KCNJ18: variants seen among roughly 807,000 people sequenced by gnomAD.
The protein encoded by KCNJ18 is inward rectifier potassium channel 18.
Under a neutral mutation model 17.3 loss-of-function variants are expected in KCNJ18, and 16 were observed. The ratio of observed to expected loss-of-function variants is 0.92; its 90% CI spans 0.62 to 1.40. The LOEUF is 1.40. Ranked by LOEUF, KCNJ18 falls within the 40% of genes most tolerant of loss-of-function variation. The pLI, the probability that KCNJ18 is intolerant of heterozygous loss-of-function variation, is 0.00. For synonymous variants in KCNJ18, 185 were observed against 262.6 expected, an observed-to-expected ratio of 0.70 and a Z score of 2.86; for missense variants, 462 against 626.8, an observed-to-expected ratio of 0.74 and a Z score of 2.81.
intron 1 of KCNJ18, among the ~76,000 whole-genome samples, chr17:21,693,317 C>T (rs1332671592): frequency 6.6e-6 from 1 of 152,284 alleles, no homozygotes; most frequent in South Asian, 2.1e-4. Context: ...CTAATTTTGC[C>T]TTCCTCCTAG....
At chr17:21,693,476 C>T (rs1311806026) in intron 1 of KCNJ18, among the ~76,000 whole-genome samples, 6 of 152,308 alleles carry the variant, frequency 3.9e-5, no homozygotes, top group Non-Finnish European at 8.8e-5. Context: ...GGCCCCCACC[C>T]CTGCTTGGCT....
chr17:21,696,738 A>G (rs1473796066), intron 2 of KCNJ18, among the ~76,000 whole-genome samples: 245 of 151,836 alleles, frequency 1.6e-3, no homozygotes, highest in South Asian at 9.8e-3. Flanking sequence ...AGGAGAAGGC[A>G]GCTCAGTATT....
chr17:21,698,738 T>G lies in KCNJ18; in HGVS notation c.-57+2634T>G, dbSNP rs1440411658. On this transcript the variant is annotated intron_variant, in intron 2 of 2. Coordinates refer to ENST00000567955, the MANE Select transcript of KCNJ18 (RefSeq NM_001194958.2). The stretch of plus-strand genomic sequence containing the variant: ...ACGTGGCAGCTGCCGTCTGGCATCC[T>G]CTCTAAAAGCTCCCAGCCCAGGCCC... 2.0e-5 allele frequency among the ~76,000 whole-genome samples: 3 copies of G among 152,052 alleles called. No homozygotes were observed. In the East Asian group the frequency reaches 5.8e-4, roughly 29 times the overall value.
chr17:21,703,834 GAGGTGCCCTCTA>G lies in KCNJ18; in HGVS notation c.1049_1060del (p.Glu350_Thr354delinsAla). The G allele has an allele frequency of 6.2e-7, 1 of 1,611,310 alleles. No individual in the cohort carries two copies. Among genetic ancestry groups the G allele is most frequent in the South Asian group, 1.1e-5 (1 of 90,878 alleles). On this transcript the variant is annotated inframe_deletion, in exon 3 of 3. Coordinates refer to ENST00000567955, the MANE Select transcript of KCNJ18 (RefSeq NM_001194958.2). ...CTACTCGCACTTCCACAAGACCTAT[GAGGTGCCCTCTA>G]CGCCCCGCTGCAGTGCGAAGGATCT...
At position 21,703,886 on chromosome 17, in the gene KCNJ18, T is replaced by G; in HGVS notation, c.1100T>G (p.Phe367Cys). ...CSAKDLVENK[F>C]LLPSANSFCY... ...GCGAAGGATCTGGTAGAGAACAAGT[T>G]CCTGCTGCCCAGTGCCAACTCCTTC... Residue 367 changes from phenylalanine (F) to cysteine (C), a missense_variant, in exon 3 of 3, where the codon TTC becomes TGC. Coordinates refer to ENST00000567955, the MANE Select transcript of KCNJ18 (RefSeq NM_001194958.2). The G allele has an allele frequency of 1.9e-6, 3 of 1,612,870 alleles. No individual in the cohort carries two copies. In the South Asian group the frequency reaches 3.3e-5, roughly 18 times the overall value.
intron 1 of KCNJ18, among the ~76,000 whole-genome samples, chr17:21,694,253 G>A (rs1905689934): frequency 6.6e-6 from 1 of 152,098 alleles, no homozygotes; most frequent in Admixed American, 6.5e-5. Context: ...TGGCTGGGAG[G>A]TGCGGAGGTG....
chr17:21,695,034 C>A (rs1246759609), intron 1 of KCNJ18, among the ~76,000 whole-genome samples: 1 of 152,262 alleles, frequency 6.6e-6, no homozygotes, highest in Admixed American at 6.5e-5. Flanking sequence ...CATCCATCCA[C>A]CCATCCATCC....
chr17:21,696,257 C>A, intron 2 of KCNJ18, among the ~76,000 whole-genome samples, 153 bp downstream of exon 2: 1 of 151,972 alleles, frequency 6.6e-6, no homozygotes, highest in South Asian at 2.1e-4. Flanking sequence ...ATCCACCCAC[C>A]CATGCCTCCA....
At chr17:21,702,380 G>C (rs1227651382) in intron 2 of KCNJ18, among the ~76,000 whole-genome samples, 16 of 152,128 alleles carry the variant, frequency 1.1e-4, no homozygotes, top group Admixed American at 9.8e-4. Context: ...GGGGCCATCG[G>C]CAGAGGCAGA....
intron 2 of KCNJ18, among the ~76,000 whole-genome samples, chr17:21,700,029 G>C (rs1179916631): frequency 1.3e-5 from 2 of 152,292 alleles, no homozygotes; most frequent in African/African-American, 2.4e-5. Context: ...CCCCGGCCCT[G>C]GCTGCCTCCT....
intron 1 of KCNJ18, among the ~76,000 whole-genome samples, chr17:21,695,239 C>A (rs1905725393): frequency 4.3e-5 from 1 of 23,088 alleles, no homozygotes; most frequent in Non-Finnish European, 1.1e-4. Flanking sequence ...ATCCTATTAT[C>A]CATTCATCCA....
At position 21,703,170 on chromosome 17, in the gene KCNJ18, C is replaced by G. The variant is rs1411473602; in HGVS notation, c.384C>G (p.His128Gln). The G allele has an allele frequency of 5.0e-6, 8 of 1,609,974 alleles. No individual in the cohort carries two copies. In the African/African-American group the frequency reaches 9.3e-5, roughly 19 times the overall value. ...GCACACCCTGTGTGATGCAGGTGCA[C>G]GGCTTCATGGCGGCCTTCCTCTTCT... ...HGRTPCVMQV[H>Q]GFMAAFLFSI... The change falls in exon 3 of 3, where the codon CAC becomes CAG. Residue 128 changes from histidine to glutamine, a missense_variant. By Grantham distance (24) the His-to-Gln change is conservative. Coordinates refer to ENST00000567955, the MANE Select transcript of KCNJ18 (RefSeq NM_001194958.2).
At chr17:21,697,002 G>T in intron 2 of KCNJ18, among the ~76,000 whole-genome samples, 1 of 152,274 alleles carries the variant, frequency 6.6e-6, no homozygotes, top group Non-Finnish European at 1.5e-5. Context: ...CACTGGAGCT[G>T]ACTCCCGCTG....
intron 2 of KCNJ18, among the ~76,000 whole-genome samples, chr17:21,697,158 G>A (rs1163448962): frequency 1.3e-5 from 2 of 152,426 alleles, no homozygotes; most frequent in African/African-American, 2.4e-5. Context: ...CACGGCTAGA[G>A]AGAGTTTTTG....
At chr17:21,696,492 C>A (rs1324586864) in intron 2 of KCNJ18, among the ~76,000 whole-genome samples, 6 of 152,210 alleles carry the variant, frequency 3.9e-5, no homozygotes, top group Non-Finnish European at 8.8e-5. Flanking sequence ...CCTCATCCAT[C>A]CCATTCAGCT....
intron 1 of KCNJ18, among the ~76,000 whole-genome samples, chr17:21,695,351 C>A: frequency 6.6e-6 from 1 of 152,268 alleles, no homozygotes; most frequent in Non-Finnish European, 1.5e-5. Flanking sequence ...TCCACCCACC[C>A]ATGTATTCAT....
At chr17:21,695,509 CCAGCTATT>C (rs1157108823) in intron 1 of KCNJ18, among the ~76,000 whole-genome samples, 1 of 152,304 alleles carries the variant, frequency 6.6e-6, no homozygotes, top group Non-Finnish European at 1.5e-5. Flanking sequence ...ATCCACCCCC[CCAGCTATT>C]CACAACTGGC....
At position 21,704,065 on chromosome 17, in the gene KCNJ18, T is replaced by G. The variant is rs1377865299; in HGVS notation, c.1279T>G (p.Tyr427Asp). Residue 427 changes from tyrosine (Y) to aspartate (D), a missense_variant, in exon 3 of 3, where the codon TAC (tyrosine) becomes GAC (aspartate). Around this residue, in one of 5 missense-constraint regions of KCNJ18, gnomAD observed 123 missense variants for 117.5 expected, o/e 1.05. Coordinates refer to ENST00000567955, the MANE Select transcript of KCNJ18 (RefSeq NM_001194958.2). ...AGGGVLEQRPYRRGSEI is the reference protein window; with the variant it reads ...AGGGVLEQRPDRRGSEI The stretch of plus-strand genomic sequence containing the variant: ...CGGCGGGGTCCTGGAGCAGCGGCCC[T>G]ACAGACGGGGGTCAGAGATCTGAGC... 134 of 1,559,318 alleles carry G rather than the reference T, an allele frequency of 8.6e-5. 2 individuals carry two copies. The highest frequency in any genetic ancestry group is 3.8e-4 in the Admixed American group (21 of 54,888).
At chr17:21,699,159 G>A (rs1483634907) in intron 2 of KCNJ18, among the ~76,000 whole-genome samples, 4 of 152,170 alleles carry the variant, frequency 2.6e-5, no homozygotes, top group Non-Finnish European at 5.9e-5. Flanking sequence ...GCTTGCTAAG[G>A]CCTCTTCCAG....
Sources: allele counts gnomAD v4.1 joint callset (sites outside exome capture counted in the v4.1 genomes callset), GRCh38; gene constraint gnomAD v4.1.1; regional missense constraint gnomAD v4.1.1; transcripts MANE v1.5; gene names NCBI Gene and HGNC (gene_info 2026-07-23, HGNC 2026-07-21).